Variants in ITPR2 observed in about 807,000 individuals in gnomAD.
The protein encoded by ITPR2 is inositol 1,4,5-trisphosphate-gated calcium channel ITPR2.
ITPR2 carries 207 observed loss-of-function variants against 317.1 expected under a neutral mutation model. The ratio of observed to expected loss-of-function variants is 0.65; its 90% CI spans 0.58 to 0.73. ITPR2 has a LOEUF of 0.73. Among genes scored for constraint, ITPR2 ranks in the 30% least tolerant of loss-of-function variants. The pLI, the probability that ITPR2 is intolerant of heterozygous loss-of-function variation, is 0.00. For missense variants in ITPR2, 2,613 were observed against 3,284.0 expected (o/e 0.80, Z 4.99); for synonymous variants, 1,156 against 1,149.1 (o/e 1.01, Z -0.12).
intron 26 of ITPR2, among the ~76,000 whole-genome samples, chr12:26,618,929 G>A (rs532464865): frequency 3.5e-4 from 53 of 152,298 alleles, no homozygotes; most frequent in Middle Eastern, 3.4e-3. Flanking sequence ...TAGAAATACA[G>A]ACACATGGTA....
chr12:26,531,165 C>T (rs944897209), intron 37 of ITPR2, among the ~76,000 whole-genome samples: 2 of 152,184 alleles, frequency 1.3e-5, no homozygotes, highest in Admixed American at 6.5e-5. Context: ...CATAAATATT[C>T]ATTGGGCTTT....
intron 49 of ITPR2, among the ~76,000 whole-genome samples, chr12:26,423,999 T>C (rs1940971003): frequency 1.3e-5 from 2 of 152,170 alleles, no homozygotes; most frequent in African/African-American, 4.8e-5. Flanking sequence ...TCCCACTTGA[T>C]TCCTTTTCCA....
chr12:26,484,341 T>C (rs114691211), intron 41 of ITPR2, among the ~76,000 whole-genome samples: 1 of 152,042 alleles, frequency 6.6e-6, no homozygotes, highest in East Asian at 1.9e-4. Context: ...AATAATCTCA[T>C]ATGAACAGTG....
intron 55 of ITPR2, among the ~76,000 whole-genome samples, chr12:26,348,316 TAATC>T (rs771325624): frequency 2.0e-5 from 3 of 152,188 alleles, no homozygotes; most frequent in Non-Finnish European, 4.4e-5. Context: ...GAACAAGAAT[TAATC>T]ATTTGGTTAT....
intron 40 of ITPR2, chr12:26,486,824 G>A (rs1359006192): frequency 9.2e-6 from 6 of 651,336 alleles, no homozygotes; most frequent in South Asian, 4.5e-5. Context: ...TACCATGCAT[G>A]CCACAATGAA....
intron 55 of ITPR2, among the ~76,000 whole-genome samples, chr12:26,366,140 G>T (rs1939002793): frequency 1.3e-5 from 2 of 151,970 alleles, no homozygotes; most frequent in South Asian, 4.2e-4. Context: ...TGTTCTCTTT[G>T]CAAACTCTAA....
chr12:26,387,396 A>C (rs752584959), intron 55 of ITPR2, 38 bp downstream of exon 55: 1 of 1,596,026 alleles, frequency 6.3e-7, no homozygotes, highest in East Asian at 2.2e-5. Flanking sequence ...CCTAAAAGAT[A>C]CAATATAGTC....
At chr12:26,757,286 G>C (rs1949541915) in intron 2 of ITPR2, among the ~76,000 whole-genome samples, 1 of 150,910 alleles carries the variant, frequency 6.6e-6, no homozygotes, top group Non-Finnish European at 1.5e-5. Context: ...TGCAATCTTA[G>C]CTCACTGCAA....
chr12:26,629,133 C>T (rs1431503033), intron 22 of ITPR2, among the ~76,000 whole-genome samples: 1 of 152,190 alleles, frequency 6.6e-6, no homozygotes, highest in African/African-American at 2.4e-5. Context: ...ATCTATACCA[C>T]CTGTGTCCCA....
Position 26,673,725 on chromosome 12 carries a change from T to G in ITPR2, c.1410-7674A>C, listed in dbSNP as rs1421345279. Among the ~76,000 whole-genome samples the G allele has an allele frequency of 9.3e-5, 14 of 150,830 alleles. No individual in the cohort carries two copies. The East Asian group carries it at 2.7e-3, about 29-fold the overall frequency. On this transcript the variant is annotated intron_variant, in intron 13 of 56. Coordinates refer to ENST00000381340, the MANE Select transcript of ITPR2 (RefSeq NM_002223.4). Reference sequence around the variant, plus strand: ...TTAGGCAGGAGAAGAAAATAAAGGGTATTCAATTAGGAAAAGAGGAAGTCA... The same window carrying G: ...TTAGGCAGGAGAAGAAAATAAAGGGGATTCAATTAGGAAAAGAGGAAGTCA...
chr12:26,513,899 A>G (rs901267186), intron 37 of ITPR2, among the ~76,000 whole-genome samples: 9 of 152,254 alleles, frequency 5.9e-5, no homozygotes, highest in African/African-American at 1.7e-4. Flanking sequence ...CTATTTCAAA[A>G]TGATCTCTAA....
intron 55 of ITPR2, among the ~76,000 whole-genome samples, chr12:26,384,531 A>T (rs866007252): frequency 6.6e-6 from 1 of 152,164 alleles, no homozygotes; most frequent in African/African-American, 2.4e-5. Flanking sequence ...GCTCTGACAG[A>T]AGAGGCTGGG....
chr12:26,636,576 T>A (rs1326080590), intron 21 of ITPR2, among the ~76,000 whole-genome samples: 1 of 152,264 alleles, frequency 6.6e-6, no homozygotes, highest in Non-Finnish European at 1.5e-5. Flanking sequence ...AGGTACTTCA[T>A]CTTTCATCAA....
intron 1 of ITPR2, among the ~76,000 whole-genome samples, chr12:26,811,197 AAT>A (rs1432028468): frequency 4.6e-5 from 7 of 152,236 alleles, no homozygotes; most frequent in African/African-American, 9.6e-5. Context: ...CTATTTTCCA[AAT>A]ATGTTTCTTC....
intron 45 of ITPR2, among the ~76,000 whole-genome samples, chr12:26,458,890 G>A (rs117717226): frequency 1.6e-3 from 236 of 152,236 alleles, no homozygotes; most frequent in East Asian, 6.2e-3. Context: ...TGAAGGCCTC[G>A]CCACAGCTCC....
chr12:26,634,720 G>A (rs1277414548), intron 21 of ITPR2, among the ~76,000 whole-genome samples: 4 of 151,614 alleles, frequency 2.6e-5, no homozygotes, highest in African/African-American at 9.7e-5. Flanking sequence ...CCCTGTCTCT[G>A]TTAAAAATAC....
chr12:26,560,899 A>G (rs1026810946), intron 35 of ITPR2, among the ~76,000 whole-genome samples: 3 of 152,168 alleles, frequency 2.0e-5, no homozygotes, highest in African/African-American at 7.2e-5. Context: ...CTATACCCCA[A>G]TTCAACTCCA....
intron 55 of ITPR2, among the ~76,000 whole-genome samples, chr12:26,350,851 C>G (rs987789177): frequency 9.2e-5 from 14 of 152,352 alleles, no homozygotes; most frequent in African/African-American, 3.4e-4. Flanking sequence ...ACTTCTCATC[C>G]TCAATCCAGC....
intron 1 of ITPR2, among the ~76,000 whole-genome samples, chr12:26,795,140 G>A (rs575901330): frequency 6.6e-6 from 1 of 152,268 alleles, no homozygotes; most frequent in East Asian, 1.9e-4. Context: ...CCTGATTTGT[G>A]CCATATCTAG....
Sources: gnomAD v4.1 joint callset for allele counts (sites outside exome capture counted in the v4.1 genomes callset) on GRCh38, gnomAD v4.1.1 for gene constraint, MANE v1.5 for transcripts, NCBI Gene and HGNC (gene_info 2026-07-23, HGNC 2026-07-21) for gene names.